DCHS2: variants seen among roughly 807,000 people sequenced by gnomAD.
The protein encoded by DCHS2 is dachsous cadherin-related 2.
A neutral mutation model predicts 182.4 loss-of-function variants in DCHS2; 142 were observed. That is an observed-to-expected ratio of 0.78 (90% CI 0.68 to 0.89). The LOEUF (loss-of-function observed/expected upper bound fraction) is 0.89. Ranked by LOEUF, DCHS2 falls within the 40% of genes least tolerant of loss-of-function variation. The pLI is 0.00. For synonymous variants in DCHS2, 1,740 were observed against 1,663.3 expected, an observed-to-expected ratio of 1.05 and a Z score of -1.12; for missense variants, 4,319 against 4,198.6, an observed-to-expected ratio of 1.03 and a Z score of -0.79.
intron 13 of DCHS2, among the ~76,000 whole-genome samples, chr4:154,292,364 G>T (rs1238721280): frequency 6.6e-6 from 1 of 152,066 alleles, no homozygotes; most frequent in Non-Finnish European, 1.5e-5. Flanking sequence ...TTTTCACTCT[G>T]CACTTCACTA....
intron 3 of DCHS2, among the ~76,000 whole-genome samples, chr4:154,349,330 CCT>C (rs1729499152): frequency 3.3e-5 from 5 of 152,050 alleles, no homozygotes; most frequent in Admixed American, 2.6e-4. Context: ...ATTTATTATC[CCT>C]CTCTCTCCTG....
intron 8 of DCHS2, among the ~76,000 whole-genome samples, chr4:154,321,565 T>A (rs1261960323): frequency 6.6e-6 from 1 of 152,188 alleles, no homozygotes; most frequent in African/African-American, 2.4e-5. Context: ...TTATTTTAAA[T>A]ACTACAGACT....
Position 154,329,634 on chromosome 4 carries a change from G to A in DCHS2, c.3807C>T (p.Arg1269=), listed in dbSNP as rs34249493. The change falls in exon 6 of 20, where the codon CGC becomes CGT. Residue 1269 remains arginine (R), a synonymous_variant. Transcript: ENST00000357232. ...TGGTGGCGTTTCGTGGTGGGGAGCC[G>A]CGGTCTGTCACTAGCACAGTCATCT... ...HHEMTVLVTD[R]GSPPRNATMA... The A allele has an allele frequency of 0.033, 53,011 of 1,612,524 alleles. 1,045 individuals carry two copies. Among genetic ancestry groups the A allele is most frequent in the Non-Finnish European group, 0.039 (46,134 of 1,179,806 alleles).
rs1232545987 is a variant in DCHS2, at chr4:154,236,466, T to C, written c.8186A>G (p.Asp2729Gly). The C allele has an allele frequency of 3.9e-5, 63 of 1,613,904 alleles. No individual in the cohort carries two copies. The highest frequency in any genetic ancestry group is 5.3e-5 in the Non-Finnish European group (63 of 1,179,952). Reference protein sequence around the residue: ...TGVLYLIKPLDYEKMTKFTLT... With the variant: ...TGVLYLIKPLGYEKMTKFTLT... ...GGTGAATTTTGTCATTTTTTCATAATCCAGAGGTTTAATCAAATAAAGAAC... is the reference window on the plus strand; with the variant it reads ...GGTGAATTTTGTCATTTTTTCATAACCCAGAGGTTTAATCAAATAAAGAAC... Residue 2729 changes from aspartate (D) to glycine (G), a missense_variant, in exon 20 of 20, where the codon GAT (aspartate) becomes GGT (glycine). Asp to Gly is a moderately conservative substitution (Grantham distance 94). Coordinates refer to ENST00000357232, the MANE Select transcript of DCHS2 (RefSeq NM_001358235.2).
At chr4:154,240,448 G>A (rs932874985) in intron 18 of DCHS2, 89 bp downstream of exon 18, 185 of 1,464,492 alleles carry the variant, frequency 1.3e-4, no homozygotes, top group Non-Finnish European at 1.6e-4. Context: ...CTGTCTATCT[G>A]AATTAGTCTA....
At chr4:154,301,799 A>G (rs1735202534) in intron 12 of DCHS2, among the ~76,000 whole-genome samples, 1 of 152,174 alleles carries the variant, frequency 6.6e-6, no homozygotes, top group Non-Finnish European at 1.5e-5. Context: ...CACTGCACCC[A>G]GCTGCTTTGC....
Position 154,490,678 on chromosome 4 carries a change from C to T in DCHS2, c.678G>A (p.Arg226=). The part of the protein sequence containing the change: ...PAGPFFQLRY[R]TPGPLPSPLL... Reference sequence around the variant, plus strand: ...GCGGTGACGGTAGTGGCCCCGGAGTCCGGTAGCGCAACTGGAAGAACGGGC... The same window carrying T: ...GCGGTGACGGTAGTGGCCCCGGAGTTCGGTAGCGCAACTGGAAGAACGGGC... The change falls in exon 1 of 20, where the codon CGG becomes CGA. Residue 226 remains arginine (R), a synonymous_variant. Coordinates refer to ENST00000357232, the MANE Select transcript of DCHS2 (RefSeq NM_001358235.2). 6.4e-7 allele frequency: 1 copy of T among 1,551,550 alleles called. No individual in the cohort carries two copies. Among genetic ancestry groups the T allele is most frequent in the Non-Finnish European group, 8.7e-7 (1 of 1,146,906 alleles).
chr4:154,490,051 G>A lies in DCHS2; in HGVS notation c.1305C>T (p.Tyr435=). The A allele has an allele frequency of 6.5e-7, 1 of 1,548,682 alleles. No individual in the cohort carries two copies. Among genetic ancestry groups the A allele is most frequent in the Non-Finnish European group, 8.7e-7 (1 of 1,146,920 alleles). ...CGTCAGACACCGAGACGCGAGCCAC[G>A]TAGTCGCCCGGTCGGGCGCCTTCAG... The part of the protein sequence containing the change: ...RVSEGARPGD[Y]VARVSVSDAD... The change falls in exon 1 of 20, where the codon TAC becomes TAT. Residue 435 remains tyrosine (Y), a synonymous_variant. Coordinates refer to ENST00000357232, the MANE Select transcript of DCHS2 (RefSeq NM_001358235.2).
chr4:154,304,703 A>G lies in DCHS2; in HGVS notation c.5571T>C (p.Ala1857=), dbSNP rs1221180938. 6.2e-7 allele frequency: 1 copy of G among 1,613,268 alleles called. No individual in the cohort carries two copies. Among genetic ancestry groups the G allele is most frequent in the African/African-American group, 1.3e-5 (1 of 74,904 alleles). Residue 1857 remains alanine, a synonymous_variant, in exon 12 of 20, where the codon GCT becomes GCC. Transcript: ENST00000357232. ...VYTVLASDMD[A]GNNRAVEYHI... is the part of the protein sequence containing the mutation. ...GATATTCAACAGCTCTGTTATTGCC[A>G]GCATCCATATCAGAGGCTAAAACCG...
chr4:154,232,263 A>G lies in DCHS2; in HGVS notation c.*2273T>C, dbSNP rs1319491280. The G allele has an allele frequency of 2.0e-5, 3 of 152,272 alleles. No individual in the cohort carries two copies. The East Asian group carries it at 5.8e-4, about 29-fold the overall frequency. 9.4% of individuals were successfully genotyped at this position (152,272 alleles called of 1,614,324 possible). On this transcript the variant is annotated 3_prime_UTR_variant, in exon 20 of 20. Transcript: ENST00000357232. Reference sequence around the variant, plus strand: ...GCACTCTAGTTGAAAGAGCTGACATACGATTTATTGCAAACACTTAACCAG... The same window carrying G: ...GCACTCTAGTTGAAAGAGCTGACATGCGATTTATTGCAAACACTTAACCAG...
rs758705222 is a variant in DCHS2 at position 154,322,334 on chromosome 4, A to C, written c.4173T>G (p.Ile1391Met). Residue 1391 changes from isoleucine to methionine, a missense_variant, in exon 8 of 20, where the codon ATT becomes ATG. Physicochemically the swap from Ile to Met is conservative, Grantham distance 10. Transcript: ENST00000357232. ...TATTTTATGGTGACAACATTACCTG[A>C]ATATTAACAACTGCCTGTCCTTGAA... Reference protein sequence around the residue: ...PPLQGQAVVNIQVIPLSKGRA... With the variant: ...PPLQGQAVVNMQVIPLSKGRA... The C allele has an allele frequency of 1.2e-5, 19 of 1,613,232 alleles. No homozygotes were observed. The highest frequency in any genetic ancestry group is 1.6e-5 in the Non-Finnish European group (19 of 1,179,682).
intron 1 of DCHS2, among the ~76,000 whole-genome samples, chr4:154,480,400 G>A (rs1735874700): frequency 6.6e-6 from 1 of 152,148 alleles, no homozygotes; most frequent in Non-Finnish European, 1.5e-5. Context: ...TTGTCATATT[G>A]AACAGAATTT....
intron 2 of DCHS2, among the ~76,000 whole-genome samples, chr4:154,372,896 G>A (rs1285603649): frequency 1.3e-5 from 2 of 152,138 alleles, no homozygotes; most frequent in South Asian, 2.1e-4. Context: ...CAGTAGCAAC[G>A]AACATCAATG....
intron 4 of DCHS2, 68 bp from the exon 5 acceptor site, chr4:154,333,562 A>T: frequency 1.4e-6 from 2 of 1,428,726 alleles, no homozygotes; most frequent in Non-Finnish European, 9.4e-7. Flanking sequence ...TCAGAAATTG[A>T]AATGTTAATA....
chr4:154,460,881 A>C (rs1734982804), intron 1 of DCHS2, among the ~76,000 whole-genome samples: 1 of 152,192 alleles, frequency 6.6e-6, no homozygotes, highest in South Asian at 2.1e-4. Context: ...AGCAGGGTAA[A>C]ATATCTACAG....
chr4:154,435,270 T>C (rs1288645485), intron 1 of DCHS2, among the ~76,000 whole-genome samples: 1 of 152,186 alleles, frequency 6.6e-6, no homozygotes, highest in African/African-American at 2.4e-5. Flanking sequence ...TTCTCAGTCA[T>C]CACAGTTACT....
intron 1 of DCHS2, 45 bp from the exon 2 acceptor site, chr4:154,377,489 T>G: frequency 9.6e-6 from 14 of 1,464,468 alleles, no homozygotes; most frequent in Non-Finnish European, 1.3e-5. Flanking sequence ...AATGCTAGCA[T>G]TACTTTTCAG....
Position 154,236,217 on chromosome 4 carries a change from C to A in DCHS2, c.8435G>T (p.Cys2812Phe). 6.2e-7 allele frequency: 1 copy of A among 1,613,884 alleles called. No individual in the cohort carries two copies. Among genetic ancestry groups the A allele is most frequent in the Non-Finnish European group, 8.5e-7 (1 of 1,179,930 alleles). Residue 2812 changes from cysteine to phenylalanine, a missense_variant, in exon 20 of 20, where the codon TGT (cysteine) becomes TTT (phenylalanine). Cys to Phe is a radical substitution (Grantham distance 205). Transcript: ENST00000357232. ...GELTYSIVSP[C>F]FLTHGMSYDH... ...ATAAGACATTCCATGAGTGAGAAAA[C>A]AGGGTGATACAATAGAATAGGTCAA...
At chr4:154,292,804 C>T (rs1208796421) in intron 13 of DCHS2, among the ~76,000 whole-genome samples, 1 of 152,164 alleles carries the variant, frequency 6.6e-6, no homozygotes, top group African/African-American at 2.4e-5. Flanking sequence ...CAGGTGGCAG[C>T]CCACTACCTC....
Sources: allele counts gnomAD v4.1 joint callset (sites outside exome capture counted in the v4.1 genomes callset), GRCh38; gene constraint gnomAD v4.1.1; transcripts MANE v1.5; gene names NCBI Gene and HGNC (gene_info 2026-07-23, HGNC 2026-07-21).